GRIK3: variants seen among roughly 807,000 people sequenced by gnomAD.
GRIK3 encodes the protein glutamate ionotropic receptor kainate type subunit 3.
In GRIK3, 29 loss-of-function variants were observed where a neutral mutation model predicts 102.5. The observed-to-expected ratio is 0.28, with a 90% CI of 0.21 to 0.39. GRIK3 has a LOEUF of 0.39. GRIK3 is among the 10% of genes least tolerant of loss of function. The pLI is 1.00. For synonymous variants in GRIK3, 511 were observed against 504.9 expected (o/e 1.01, Z -0.16); for missense variants, 908 against 1,252.4 (o/e 0.73, Z 4.15).
At position 36,850,334 on chromosome 1, in the gene GRIK3, A is replaced by T; in HGVS notation, c.1303T>A (p.Ser435Thr). The T allele has an allele frequency of 6.2e-7, 1 of 1,608,738 alleles. No homozygotes were observed. The highest frequency in any genetic ancestry group is 8.5e-7 in the Non-Finnish European group (1 of 1,175,068). The stretch of plus-strand genomic sequence containing the variant: ...ACCAGCACTGTGGTGACAATGAGTG[A>T]TCTGTTTGTCAGAGAGTCGGTGACA... ...PNVTDSLTNR[S>T]LIVTTVLEEP... is the part of the protein sequence containing the mutation. The change falls in exon 9 of 16, where the codon TCA (serine) becomes ACA (threonine). Residue 435 changes from serine (S) to threonine (T), a missense_variant. This residue lies in a region of GRIK3 where 585 missense variants were observed against 824.9 expected (regional missense o/e 0.71). Coordinates refer to ENST00000373091, the MANE Select transcript of GRIK3 (RefSeq NM_000831.4). This position sits in a 1 kb window ranked among gnomAD's most constrained non-coding sequence, Gnocchi z 4.0.
intron 1 of GRIK3, among the ~76,000 whole-genome samples, chr1:36,942,209 C>T (rs1019187690): frequency 4.6e-5 from 7 of 152,300 alleles, no homozygotes; most frequent in African/African-American, 1.4e-4. Flanking sequence ...TTGAATTCTC[C>T]GTCGAGCAGG....
intron 1 of GRIK3, among the ~76,000 whole-genome samples, chr1:36,892,137 G>A (rs1021598568): frequency 2.0e-5 from 3 of 152,146 alleles, no homozygotes; most frequent in Admixed American, 6.5e-5. Flanking sequence ...TCCAACCTCA[G>A]TCTCTCAAGT....
chr1:37,004,519 A>G (rs1330534101), intron 1 of GRIK3, among the ~76,000 whole-genome samples: 3 of 152,098 alleles, frequency 2.0e-5, no homozygotes, highest in African/African-American at 7.2e-5. Context: ...CCCTTGCCCA[A>G]ACGGAATCAC....
At chr1:36,847,074 T>A (rs1557701100) in intron 9 of GRIK3, among the ~76,000 whole-genome samples, 1 of 152,320 alleles carries the variant, frequency 6.6e-6, no homozygotes, top group East Asian at 1.9e-4. Context: ...GACAGCTGAA[T>A]CATCAGTCAC....
intron 1 of GRIK3, among the ~76,000 whole-genome samples, chr1:36,989,722 G>A (rs1304150621): frequency 6.6e-6 from 1 of 152,108 alleles, no homozygotes; most frequent in Admixed American, 6.5e-5. Context: ...CAGAAAAGCT[G>A]GGTCCATGGG....
chr1:36,816,710 G>A (rs956247988), intron 13 of GRIK3, among the ~76,000 whole-genome samples: 16 of 152,176 alleles, frequency 1.1e-4, no homozygotes, highest in African/African-American at 3.9e-4. Flanking sequence ...AGCCAAGGGC[G>A]GGAAGCCCCT....
intron 13 of GRIK3, among the ~76,000 whole-genome samples, chr1:36,814,854 G>A (rs1225015190): frequency 6.6e-6 from 1 of 152,070 alleles, no homozygotes; most frequent in Non-Finnish European, 1.5e-5. Context: ...GTACACACTT[G>A]TACACATTCA....
chr1:36,835,237 G>T (rs1051016810), intron 10 of GRIK3, among the ~76,000 whole-genome samples: 1 of 152,206 alleles, frequency 6.6e-6, no homozygotes, highest in African/African-American at 2.4e-5. Context: ...CAATCTGACA[G>T]CATCTCAATG....
chr1:36,891,607 T>A (rs1299804969), intron 1 of GRIK3, among the ~76,000 whole-genome samples: 1 of 152,222 alleles, frequency 6.6e-6, no homozygotes, highest in African/African-American at 2.4e-5. Flanking sequence ...AAGAAATACT[T>A]CCTTGAAACT....
intron 1 of GRIK3, among the ~76,000 whole-genome samples, chr1:36,955,562 G>C (rs1641896668): frequency 6.6e-6 from 1 of 151,708 alleles, no homozygotes; most frequent in Non-Finnish European, 1.5e-5. Context: ...GCACACACAG[G>C]CTGCCCTGCT....
chr1:36,872,116 T>A lies in GRIK3; in HGVS notation c.732+72A>T. On this transcript the variant is annotated intron_variant, in intron 4 of 15. Coordinates refer to ENST00000373091, the MANE Select transcript of GRIK3 (RefSeq NM_000831.4). This position sits in a 1 kb window ranked among gnomAD's most constrained non-coding sequence, Gnocchi z 5.9. ...TAGATCTGGCAGCATCACACCCACATTTGGGAAGGGGACGTGGGAGAAGTG... is the reference window on the plus strand; with the variant it reads ...TAGATCTGGCAGCATCACACCCACAATTGGGAAGGGGACGTGGGAGAAGTG... 7.2e-7 allele frequency: 1 copy of A among 1,384,566 alleles called. No individual in the cohort carries two copies. Among genetic ancestry groups the A allele is most frequent in the Admixed American group, 2.3e-5 (1 of 44,070 alleles). 85.8% of individuals were successfully genotyped at this position (1,384,566 alleles called of 1,614,324 possible).
chr1:36,973,808 C>T (rs938436699), intron 1 of GRIK3, among the ~76,000 whole-genome samples: 3 of 152,084 alleles, frequency 2.0e-5, no homozygotes, highest in African/African-American at 4.8e-5. Context: ...ACGTAGGAGA[C>T]GTTTATGATG....
At chr1:36,968,575 C>T (rs530362931) in intron 1 of GRIK3, among the ~76,000 whole-genome samples, 1 of 152,330 alleles carries the variant, frequency 6.6e-6, no homozygotes, top group African/African-American at 2.4e-5. Context: ...TTGCTGGTAG[C>T]TCCTCCACCT....
At chr1:36,925,849 A>G (rs562713248) in intron 1 of GRIK3, among the ~76,000 whole-genome samples, 10 of 152,322 alleles carry the variant, frequency 6.6e-5, no homozygotes, top group Non-Finnish European at 7.3e-5. Flanking sequence ...ATTACCAATT[A>G]TCTTGGTCCC....
intron 5 of GRIK3, among the ~76,000 whole-genome samples, chr1:36,862,387 T>C (rs1271275802): frequency 6.6e-6 from 1 of 152,238 alleles, no homozygotes; most frequent in Non-Finnish European, 1.5e-5. Flanking sequence ...CTATGTTCTA[T>C]GTCCTCGGTG....
At chr1:36,994,761 C>A (rs1410812413) in intron 1 of GRIK3, among the ~76,000 whole-genome samples, 1 of 152,168 alleles carries the variant, frequency 6.6e-6, no homozygotes, top group Non-Finnish European at 1.5e-5. Flanking sequence ...TGTCACACCA[C>A]CCTGGGCATC....
chr1:36,979,212 C>G (rs1400789730), intron 1 of GRIK3, among the ~76,000 whole-genome samples: 1 of 152,230 alleles, frequency 6.6e-6, no homozygotes, highest in Non-Finnish European at 1.5e-5. Flanking sequence ...ATCCACCAGC[C>G]CTCGCTACAA....
chr1:36,835,214 C>T (rs1229437325), intron 10 of GRIK3, among the ~76,000 whole-genome samples: 2 of 152,216 alleles, frequency 1.3e-5, no homozygotes, highest in East Asian at 1.9e-4. Context: ...CTCTGGCCAA[C>T]CTCATGCAGG....
At chr1:36,873,779 A>T (rs965226293) in intron 3 of GRIK3, among the ~76,000 whole-genome samples, 3 of 152,164 alleles carry the variant, frequency 2.0e-5, no homozygotes, top group Admixed American at 1.3e-4. Flanking sequence ...ATAGGTATTG[A>T]CTCAGAGATA....
Sources: gnomAD v4.1 joint callset for allele counts (sites outside exome capture counted in the v4.1 genomes callset) on GRCh38, gnomAD v4.1.1 for gene constraint, gnomAD v4.1.1 regional missense constraint, Gnocchi (gnomAD v3.1) non-coding constraint, MANE v1.5 for transcripts, NCBI Gene and HGNC (gene_info 2026-07-23, HGNC 2026-07-21) for gene names.